Variants in TNS3 observed in about 807,000 individuals in gnomAD.
The protein encoded by TNS3 is tensin-3.
Under a neutral mutation model 140.9 loss-of-function variants are expected in TNS3, and 45 were observed. The ratio of observed to expected loss-of-function variants is 0.32; its 90% CI spans 0.25 to 0.41. TNS3 has a LOEUF of 0.41. Ranked by LOEUF, TNS3 falls within the 10% of genes least tolerant of loss-of-function variation. TNS3 has a pLI of 1.00. For missense variants in TNS3, 1,716 were observed against 1,906.7 expected (o/e 0.90, Z 1.86); for synonymous variants, 815 against 788.4 (o/e 1.03, Z -0.56).
At chr7:47,401,445 G>C (rs1793159334) in intron 13 of TNS3, among the ~76,000 whole-genome samples, 1 of 152,168 alleles carries the variant, frequency 6.6e-6, no homozygotes, top group African/African-American at 2.4e-5. Context: ...CTGTAATTTA[G>C]AGACAGAGAT....
At chr7:47,394,795 C>T (rs62446313) in intron 16 of TNS3, among the ~76,000 whole-genome samples, 3 of 152,256 alleles carry the variant, frequency 2.0e-5, no homozygotes, top group Non-Finnish European at 4.4e-5. Context: ...AGGTCCTTCA[C>T]CACCTGTGAG....
At position 47,481,161 on chromosome 7, in the gene TNS3, C is replaced by G; in HGVS notation, c.-114-20G>C. 7.8e-7 allele frequency: 1 copy of G among 1,289,510 alleles called. No homozygotes were observed. The allele number at this position is 1,289,510 out of a possible 1,614,324, so 79.9% of individuals were successfully genotyped here. A position where few individuals can be genotyped will look rare whatever the true frequency, so the allele number is the denominator to read the frequency against. On this transcript the variant is annotated intron_variant, in intron 3 of 30. Transcript: ENST00000311160. Reference sequence around the variant, plus strand: ...CACCACCTTTCAAAGAGAGAAGAAACAGATAAGCAAATGGATTCTCCAGGA... The same window carrying G: ...CACCACCTTTCAAAGAGAGAAGAAAGAGATAAGCAAATGGATTCTCCAGGA...
At chr7:47,490,680 C>T (rs1797777772) in intron 3 of TNS3, among the ~76,000 whole-genome samples, 2 of 152,194 alleles carry the variant, frequency 1.3e-5, no homozygotes, top group Admixed American at 6.5e-5. Context: ...AAGGGGGCAC[C>T]GAGGTGCCCA....
chr7:47,484,697 G>A (rs1002027536), intron 3 of TNS3, among the ~76,000 whole-genome samples: 1 of 152,206 alleles, frequency 6.6e-6, no homozygotes. Flanking sequence ...CTGATCTACA[G>A]GCTGCCCTGC....
intron 8 of TNS3, 74 bp downstream of exon 8, chr7:47,435,208 A>G: frequency 6.3e-7 from 1 of 1,588,456 alleles, no homozygotes; most frequent in African/African-American, 1.3e-5. Context: ...GCTCAGATGC[A>G]GCATTGGTCT....
intron 2 of TNS3, among the ~76,000 whole-genome samples, chr7:47,515,938 T>C (rs1447760456): frequency 6.6e-6 from 1 of 152,204 alleles, no homozygotes; most frequent in African/African-American, 2.4e-5. Context: ...GCAGGAATGC[T>C]GGCAGGCTGT....
intron 16 of TNS3, among the ~76,000 whole-genome samples, chr7:47,392,223 G>A (rs959982389): frequency 3.3e-5 from 5 of 152,180 alleles, no homozygotes; most frequent in African/African-American, 7.2e-5. Context: ...ACAGACCCAC[G>A]GGGAGACCAG....
intron 20 of TNS3, among the ~76,000 whole-genome samples, chr7:47,334,435 T>C (rs1788509253): frequency 6.6e-6 from 1 of 152,186 alleles, no homozygotes; most frequent in Non-Finnish European, 1.5e-5. Context: ...AAAGCTGTTA[T>C]AGGATAAGGA....
chr7:47,514,964 T>C (rs1798730886), intron 2 of TNS3, among the ~76,000 whole-genome samples: 1 of 152,178 alleles, frequency 6.6e-6, no homozygotes, highest in Non-Finnish European at 1.5e-5. Flanking sequence ...CAGTGACATG[T>C]AGTGAGAACG....
At chr7:47,481,248 A>C in intron 3 of TNS3, 107 bp from the exon 4 acceptor site, 1 of 800,394 alleles carries the variant, frequency 1.2e-6, no homozygotes. Context: ...CTCTAACCTC[A>C]CTCTGGCTAC....
intron 30 of TNS3, 136 bp from the exon 31 acceptor site, chr7:47,278,356 C>G: frequency 1.0e-5 from 10 of 954,740 alleles, no homozygotes; most frequent in African/African-American, 1.6e-5. Context: ...GCCCAGCACC[C>G]TGCTGGCCAC....
chr7:47,542,682 A>G (rs191910294), intron 1 of TNS3, among the ~76,000 whole-genome samples: 2 of 152,174 alleles, frequency 1.3e-5, no homozygotes, highest in East Asian at 3.9e-4. Flanking sequence ...TGTAATCCCA[A>G]CACTTTGGGA....
chr7:47,498,509 T>C (rs1312451563), intron 3 of TNS3, among the ~76,000 whole-genome samples: 3 of 152,232 alleles, frequency 2.0e-5, no homozygotes, highest in Non-Finnish European at 2.9e-5. Flanking sequence ...TATGTGTTGT[T>C]TCATCTGTTA....
chr7:47,540,292 C>A lies in TNS3; in HGVS notation c.-264-11145G>T, dbSNP rs976920640. Among the ~76,000 whole-genome samples, 6 of 152,046 alleles carry A rather than the reference C, an allele frequency of 3.9e-5. No homozygotes were observed. The East Asian group carries it at 5.8e-4, about 15-fold the overall frequency. ...TCCCAGGAACAAAATGAGGTTCTTC[C>A]CAGGGAGGATGAATTCCAGACGGCT... On this transcript the variant is annotated intron_variant, in intron 1 of 30. Transcript: ENST00000311160.
chr7:47,485,302 C>T (rs771020735), intron 3 of TNS3, among the ~76,000 whole-genome samples: 11 of 152,220 alleles, frequency 7.2e-5, no homozygotes, highest in Non-Finnish European at 1.3e-4. Flanking sequence ...TGGATAAACA[C>T]GAAACAGTGC....
intron 3 of TNS3, among the ~76,000 whole-genome samples, chr7:47,500,930 TA>T (rs1157930474): frequency 2.0e-5 from 3 of 150,740 alleles, no homozygotes; most frequent in Admixed American, 6.6e-5. Context: ...AAATAAAAAT[TA>T]AAAAAAAATA....
intron 20 of TNS3, among the ~76,000 whole-genome samples, chr7:47,306,684 C>T (rs1786775831): frequency 6.6e-6 from 1 of 152,140 alleles, no homozygotes. Flanking sequence ...ACGCCATTCT[C>T]CTGCCTCGGC....
At position 47,389,071 on chromosome 7, in the gene TNS3, AGAAGAAGAAGAAGAGGAAGAG is replaced by A. The variant is rs1562675106; in HGVS notation, c.1024+7708_1024+7728del. Among the ~76,000 whole-genome samples, 8 of 50,106 alleles carry A rather than the reference AGAAGAAGAAGAAGAGGAAGAG, an allele frequency of 1.6e-4. No individual in the cohort carries two copies. In the East Asian group the frequency reaches 3.4e-3, roughly 21 times the overall value. The allele number at this position is 50,106 out of a possible 152,430, so 32.9% of individuals were successfully genotyped here. On this transcript the variant is annotated intron_variant, in intron 16 of 30. Coordinates refer to ENST00000311160, the MANE Select transcript of TNS3 (RefSeq NM_022748.12). ...AAGAAGAAGAAGAAGAAGAAGAAGAAGAAGAAGAAGAAGAGGAAGAGGAAGAGGAAGCGGAAGCAGAAGAAG... is the reference window on the plus strand; with the variant it reads ...AAGAAGAAGAAGAAGAAGAAGAAGAAGAAGAGGAAGCGGAAGCAGAAGAAG...
At chr7:47,559,294 G>C (rs1032807411) in intron 1 of TNS3, among the ~76,000 whole-genome samples, 1 of 152,128 alleles carries the variant, frequency 6.6e-6, no homozygotes, top group Non-Finnish European at 1.5e-5. Context: ...AGGTTGCAGT[G>C]AGCCAAGATC....
Sources: gnomAD v4.1 joint callset for allele counts (sites outside exome capture counted in the v4.1 genomes callset) on GRCh38, gnomAD v4.1.1 for gene constraint, MANE v1.5 for transcripts, NCBI Gene and HGNC (gene_info 2026-07-23, HGNC 2026-07-21) for gene names.